Variants in XYLT1 observed in about 807,000 individuals in gnomAD.
The protein encoded by XYLT1 is xylosyltransferase 1.
Under a neutral mutation model 91.3 loss-of-function variants are expected in XYLT1, and 36 were observed. The ratio of observed to expected loss-of-function variants is 0.39; its 90% CI spans 0.30 to 0.52. XYLT1 has a LOEUF of 0.52. XYLT1 is among the 20% of genes least tolerant of loss of function. XYLT1 has a pLI of 0.68. For synonymous variants in XYLT1, 588 were observed against 532.0 expected, an observed-to-expected ratio of 1.11 and a Z score of -1.45; for missense variants, 1,242 against 1,284.5, an observed-to-expected ratio of 0.97 and a Z score of 0.51.
At chr16:17,433,382 CA>C (rs757275353) in intron 1 of XYLT1, among the ~76,000 whole-genome samples, 45 of 152,296 alleles carry the variant, frequency 3.0e-4, no homozygotes, top group Non-Finnish European at 5.9e-4. Flanking sequence ...TGAGCTATTG[CA>C]ACATCCCCTT....
chr16:17,462,531 C>A (rs562089507), intron 1 of XYLT1, among the ~76,000 whole-genome samples: 1 of 152,256 alleles, frequency 6.6e-6, no homozygotes, highest in East Asian at 1.9e-4. Context: ...CTGTTGCAGG[C>A]GGAAGGAAGT....
chr16:17,236,432 C>CA (rs113892095), intron 3 of XYLT1, among the ~76,000 whole-genome samples: 10,993 of 100,530 alleles, frequency 0.11, 447 homozygotes, highest in African/African-American at 0.13. Context: ...ATGGAGAGTA[C>CA]AAAAAAAAAA....
In XYLT1 at chr16:17,329,321, G is replaced by A. The variant is rs115205652; in HGVS notation, c.402+28691C>T. ...TTTCAATCCACCACTCTGTAACCGT[G>A]AGACTCAGTTTCCCTCTTTTACCAT... On this transcript the variant is annotated intron_variant, in intron 2 of 11. Transcript: ENST00000261381. 6.0e-3 allele frequency among the ~76,000 whole-genome samples: 911 copies of A among 152,338 alleles called. 8 individuals carry two copies. The highest frequency in any genetic ancestry group is 0.021 in the African/African-American group (864 of 41,578).
At chr16:17,207,726 C>T (rs887763012) in intron 3 of XYLT1, among the ~76,000 whole-genome samples, 31 of 152,310 alleles carry the variant, frequency 2.0e-4, no homozygotes, top group African/African-American at 7.0e-4. Flanking sequence ...GTCAACGGCC[C>T]AGACTGCTCT....
At chr16:17,216,425 C>T (rs1359455195) in intron 3 of XYLT1, among the ~76,000 whole-genome samples, 1 of 152,100 alleles carries the variant, frequency 6.6e-6, no homozygotes, top group Non-Finnish European at 1.5e-5. Flanking sequence ...AATAAAAATC[C>T]TCATAGTAAT....
In XYLT1 at chr16:17,134,521, A is replaced by C; in HGVS notation, c.1979T>G (p.Leu660Arg). The part of the protein sequence containing the change: ...TLYHSFARLG[L>R]RRAETSLHTD... Reference sequence around the variant, plus strand: ...GTGCAGGGACGTCTCGGCCCGTCGAAGACCCAGGCGGGCAAAGGAGTGGTA... The same window carrying C: ...GTGCAGGGACGTCTCGGCCCGTCGACGACCCAGGCGGGCAAAGGAGTGGTA... The change falls in exon 9 of 12, where the codon CTT (leucine) becomes CGT (arginine). Residue 660 changes from leucine (L) to arginine (R), a missense_variant. This residue lies in a region of XYLT1 where 511 missense variants were observed against 497.0 expected (regional missense o/e 1.03). Coordinates refer to ENST00000261381, the MANE Select transcript of XYLT1 (RefSeq NM_022166.4). The C allele has an allele frequency of 6.2e-7, 1 of 1,614,158 alleles. No individual in the cohort carries two copies. The highest frequency in any genetic ancestry group is 8.5e-7 in the Non-Finnish European group (1 of 1,180,032).
intron 1 of XYLT1, among the ~76,000 whole-genome samples, chr16:17,467,067 T>C (rs2036907486): frequency 6.6e-6 from 1 of 152,212 alleles, no homozygotes; most frequent in African/African-American, 2.4e-5. Flanking sequence ...CTGAGTAATG[T>C]GAAGCATGAG....
At chr16:17,203,586 A>G (rs1315701322) in intron 3 of XYLT1, among the ~76,000 whole-genome samples, 3 of 152,000 alleles carry the variant, frequency 2.0e-5, no homozygotes, top group African/African-American at 7.2e-5. Context: ...CCACTCATCC[A>G]TCCCTCCACC....
At chr16:17,266,295 C>T (rs1054506147) in intron 2 of XYLT1, among the ~76,000 whole-genome samples, 3 of 152,184 alleles carry the variant, frequency 2.0e-5, no homozygotes, top group Non-Finnish European at 2.9e-5. Flanking sequence ...ATGGCACCTA[C>T]TTCCCAGGGA....
intron 1 of XYLT1, among the ~76,000 whole-genome samples, chr16:17,467,877 A>G (rs986551414): frequency 6.6e-6 from 1 of 152,080 alleles, no homozygotes; most frequent in Non-Finnish European, 1.5e-5. Context: ...CAGAGCACTG[A>G]GCTAAAGCAT....
At chr16:17,290,590 A>G (rs1333736723) in intron 2 of XYLT1, among the ~76,000 whole-genome samples, 1 of 152,256 alleles carries the variant, frequency 6.6e-6, no homozygotes, top group Admixed American at 6.5e-5. Context: ...AGGAGGTGTC[A>G]AAGCCTACCA....
chr16:17,391,659 T>A (rs986276408), intron 1 of XYLT1, among the ~76,000 whole-genome samples: 3 of 152,180 alleles, frequency 2.0e-5, no homozygotes, highest in Non-Finnish European at 4.4e-5. Flanking sequence ...CCAGGGTCCT[T>A]TCTTCTTCCA....
At chr16:17,331,232 G>A (rs1422777557) in intron 2 of XYLT1, among the ~76,000 whole-genome samples, 2 of 152,224 alleles carry the variant, frequency 1.3e-5, no homozygotes, top group African/African-American at 2.4e-5. Context: ...TCTCAGGGCC[G>A]CCTTGACCAT....
intron 1 of XYLT1, among the ~76,000 whole-genome samples, chr16:17,410,993 C>T (rs2036100516): frequency 1.3e-5 from 2 of 152,144 alleles, no homozygotes; most frequent in Admixed American, 1.3e-4. Context: ...TTACAGATTG[C>T]TGTCAATGGT....
In XYLT1 at chr16:17,239,564, G is replaced by GTCCATCCA. The variant is rs1221350546; in HGVS notation, c.913+19416_913+19423dup. Among the ~76,000 whole-genome samples, 9 of 120,658 alleles carry GTCCATCCA rather than the reference G, an allele frequency of 7.5e-5. No individual in the cohort carries two copies. The Admixed American group carries it at 7.8e-4, about 10-fold the overall frequency. The allele number at this position is 120,658 out of a possible 152,430, so 79.2% of individuals were successfully genotyped here. ...ATTCATCCATCCACTCATCCACCCA[G>GTCCATCCA]TCCATCCATCCATCCACTCACCTAG... On this transcript the variant is annotated intron_variant, in intron 3 of 11. Transcript: ENST00000261381.
chr16:17,420,988 C>A (rs920076651), intron 1 of XYLT1, among the ~76,000 whole-genome samples: 3 of 152,182 alleles, frequency 2.0e-5, no homozygotes, highest in Non-Finnish European at 4.4e-5. Flanking sequence ...CACGAGTCAA[C>A]CACTCTTGCA....
intron 6 of XYLT1, among the ~76,000 whole-genome samples, chr16:17,144,686 G>C (rs1362847560): frequency 2.6e-5 from 4 of 152,212 alleles, no homozygotes. Flanking sequence ...TTTTAATAAA[G>C]ATAACATCCA....
intron 2 of XYLT1, among the ~76,000 whole-genome samples, chr16:17,342,112 G>A (rs2035070633): frequency 6.6e-6 from 1 of 152,152 alleles, no homozygotes; most frequent in Non-Finnish European, 1.5e-5. Context: ...GTTTCCCAAG[G>A]TTCTAATGAT....
chr16:17,381,369 T>C (rs1387370151), intron 1 of XYLT1, among the ~76,000 whole-genome samples: 1 of 152,074 alleles, frequency 6.6e-6, no homozygotes, highest in Non-Finnish European at 1.5e-5. Flanking sequence ...ATTTTATTTA[T>C]TTCATGCTAT....
Sources: allele counts gnomAD v4.1 joint callset (sites outside exome capture counted in the v4.1 genomes callset), GRCh38; gene constraint gnomAD v4.1.1; regional missense constraint gnomAD v4.1.1; transcripts MANE v1.5; gene names NCBI Gene and HGNC (gene_info 2026-07-23, HGNC 2026-07-21).